The following NUDCD1 variants were observed in gnomAD, a reference collection of about 807,000 sequenced individuals.
NUDCD1 encodes the protein NudC domain containing 1.
NUDCD1 carries 60 observed loss-of-function variants against 67.8 expected under a neutral mutation model. That is an observed-to-expected ratio of 0.88 (90% CI 0.72 to 1.10). The LOEUF is 1.10. Among genes scored for constraint, NUDCD1 ranks in the 50% least tolerant of loss-of-function variants. The probability of loss-of-function intolerance (pLI) is 0.00; values close to 1 mark genes in which losing one functional copy is unlikely to be tolerated. For missense variants in NUDCD1, 643 were observed against 695.0 expected (o/e 0.93, Z 0.84); for synonymous variants, 244 against 230.8 (o/e 1.06, Z -0.52).
chr8:109,324,997 C>G (rs144769712), intron 1 of NUDCD1, among the ~76,000 whole-genome samples: 97 of 151,962 alleles, frequency 6.4e-4, no homozygotes, highest in African/African-American at 2.2e-3. Flanking sequence ...GGCTGAGGCA[C>G]GAGAATCGCT....
At chr8:109,247,320 A>G (rs1813521566) in intron 8 of NUDCD1, among the ~76,000 whole-genome samples, 2 of 152,332 alleles carry the variant, frequency 1.3e-5, no homozygotes, top group African/African-American at 4.8e-5. Context: ...ATCTACTTTC[A>G]TGAGCCAAGT....
intron 9 of NUDCD1, among the ~76,000 whole-genome samples, chr8:109,244,817 A>C (rs567530674): frequency 6.6e-6 from 1 of 152,286 alleles, no homozygotes; most frequent in Non-Finnish European, 1.5e-5. Context: ...TTATCCTACC[A>C]AATAAATTTA....
At position 109,241,448 on chromosome 8, in the gene NUDCD1, T is replaced by C. The variant is rs1299389834; in HGVS notation, c.*1561A>G. The C allele has an allele frequency of 2.0e-5, 3 of 152,178 alleles. No individual in the cohort carries two copies. Among genetic ancestry groups the C allele is most frequent in the Non-Finnish European group, 4.4e-5 (3 of 68,020 alleles). 9.4% of individuals were successfully genotyped at this position (152,178 alleles called of 1,614,324 possible). ...TTTGTTTCATGAAGTTTTACAACAA[T>C]ACTAAAAAGTTCTGGAAATATCACT... On this transcript the variant is annotated 3_prime_UTR_variant, in exon 10 of 10. Transcript: ENST00000239690.
intron 2 of NUDCD1, among the ~76,000 whole-genome samples, chr8:109,314,697 A>G (rs2130109794): frequency 6.6e-6 from 1 of 152,282 alleles, no homozygotes; most frequent in African/African-American, 2.4e-5. Flanking sequence ...GCCTCTACAC[A>G]GTATTTTTAA....
At chr8:109,333,854 G>C (rs778084815) in intron 1 of NUDCD1, 39 bp downstream of exon 1, 4 of 1,609,820 alleles carry the variant, frequency 2.5e-6, no homozygotes, top group South Asian at 2.2e-5. Flanking sequence ...AGCCGAAAGG[G>C]GAAAGGAACG....
At chr8:109,256,279 T>C (rs1179196926) in intron 8 of NUDCD1, among the ~76,000 whole-genome samples, 1 of 152,202 alleles carries the variant, frequency 6.6e-6, no homozygotes, top group East Asian at 1.9e-4. Flanking sequence ...TGGATGGCAG[T>C]GTTCTTTTAA....
chr8:109,333,935 A>C lies in NUDCD1; in HGVS notation c.76T>G (p.Ser26Ala), dbSNP rs376938085. ...LDPRFEGYKL[S>A]LEPLPCYQLE... ...TGGTAACAAGGCAGCGGCTCAAGAG[A>C]GAGCTTGTAACCCTCGAAGCGGGGA... is the stretch of plus-strand genomic sequence containing the variant. The change falls in exon 1 of 10, where the codon TCT (serine) becomes GCT (alanine). Residue 26 changes from serine (S) to alanine (A), a missense_variant. Physicochemically the swap from Ser to Ala is moderately conservative, Grantham distance 99. Coordinates refer to ENST00000239690, the MANE Select transcript of NUDCD1 (RefSeq NM_032869.4). 2 of 1,614,158 alleles carry C rather than the reference A, an allele frequency of 1.2e-6. No homozygotes were observed. The highest frequency in any genetic ancestry group is 2.2e-5 in the East Asian group (1 of 44,872).
chr8:109,288,742 A>C (rs1814629894), intron 5 of NUDCD1, among the ~76,000 whole-genome samples: 2 of 152,178 alleles, frequency 1.3e-5, no homozygotes, highest in Non-Finnish European at 2.9e-5. Context: ...AAAAACAAAA[A>C]GGTAAAACTA....
At chr8:109,323,185 G>A (rs1372431598) in intron 1 of NUDCD1, among the ~76,000 whole-genome samples, 1 of 151,958 alleles carries the variant, frequency 6.6e-6, no homozygotes. Context: ...ATTAATTTCT[G>A]CCCCAGCAGG....
chr8:109,272,045 A>G (rs1814170106), intron 7 of NUDCD1, among the ~76,000 whole-genome samples: 1 of 152,112 alleles, frequency 6.6e-6, no homozygotes, highest in Non-Finnish European at 1.5e-5. Flanking sequence ...AAATGCTAAA[A>G]GAAGCTCTCA....
chr8:109,280,187 A>C (rs1814399620), intron 6 of NUDCD1, among the ~76,000 whole-genome samples: 1 of 152,236 alleles, frequency 6.6e-6, no homozygotes, highest in Non-Finnish European at 1.5e-5. Flanking sequence ...TGATAGAATA[A>C]AATACCGTGA....
At chr8:109,263,054 CAAAAA>C (rs59659347) in intron 8 of NUDCD1, among the ~76,000 whole-genome samples, 11 of 42,014 alleles carry the variant, frequency 2.6e-4, no homozygotes, top group Admixed American at 4.2e-4. Flanking sequence ...GACTCTGTCT[CAAAAA>C]AAAAAAAAAA....
intron 8 of NUDCD1, among the ~76,000 whole-genome samples, chr8:109,253,939 G>A (rs1447505570): frequency 6.6e-6 from 1 of 152,132 alleles, no homozygotes; most frequent in East Asian, 1.9e-4. Flanking sequence ...TCTAGCATGG[G>A]CCATTACCTG....
Position 109,322,370 on chromosome 8 carries a change from T to C in NUDCD1, c.212A>G (p.Tyr71Cys). ...MYNYLHCDSW[Y>C]QDSVYYIDTL... is the part of the protein sequence containing the mutation. ...ATCAATATAGTAGACACTGTCTTGA[T>C]ACCATGAATCACAGTGCAGGTAATT... The change falls in exon 2 of 10, where the codon TAT (tyrosine) becomes TGT (cysteine). Residue 71 changes from tyrosine (Y) to cysteine (C), a missense_variant. By Grantham distance (194) the Tyr-to-Cys change is radical. Transcript: ENST00000239690. 2 of 1,590,810 alleles carry C rather than the reference T, an allele frequency of 1.3e-6. No individual in the cohort carries two copies. Among genetic ancestry groups the C allele is most frequent in the Non-Finnish European group, 1.7e-6 (2 of 1,159,694 alleles).
At chr8:109,281,550 C>T (rs1310833871) in intron 5 of NUDCD1, among the ~76,000 whole-genome samples, 2 of 151,972 alleles carry the variant, frequency 1.3e-5, no homozygotes, top group African/African-American at 4.8e-5. Flanking sequence ...AATATGTTAC[C>T]CAGAAAAGCT....
chr8:109,315,778 CCTT>C (rs1177541635), intron 2 of NUDCD1: 1 of 152,152 alleles, frequency 6.6e-6, no homozygotes, highest in East Asian at 1.9e-4. Flanking sequence ...TTTCAGCAAA[CCTT>C]CTAAGAATAA....
At chr8:109,267,004 G>C (rs916766761) in intron 8 of NUDCD1, among the ~76,000 whole-genome samples, 1 of 151,884 alleles carries the variant, frequency 6.6e-6, no homozygotes, top group East Asian at 1.9e-4. Context: ...TCCCATGTAA[G>C]GTAATTTCAA....
intron 5 of NUDCD1, among the ~76,000 whole-genome samples, chr8:109,286,140 C>A (rs1399179484): frequency 6.6e-6 from 1 of 152,016 alleles, no homozygotes; most frequent in Non-Finnish European, 1.5e-5. Flanking sequence ...CACAGCACTG[C>A]TGAAAGAAAT....
In NUDCD1 at chr8:109,330,040, T is replaced by C. The variant is rs1815770412; in HGVS notation, c.118+3853A>G. ...TGTAAGCCAACATGAAAGAATGAAG[T>C]ATGAATTAGCTAGGTGAAATATAGC... On this transcript the variant is annotated intron_variant, in intron 1 of 9. Transcript: ENST00000239690. The C allele has an allele frequency of 8.8e-6, 5 of 565,776 alleles. No individual in the cohort carries two copies. In the East Asian group the frequency reaches 1.4e-4, roughly 16 times the overall value. 35.0% of individuals were successfully genotyped at this position (565,776 alleles called of 1,614,324 possible). A position where few individuals can be genotyped will look rare whatever the true frequency, so the allele number is the denominator to read the frequency against.
Sources: gnomAD v4.1 joint callset for allele counts (sites outside exome capture counted in the v4.1 genomes callset) on GRCh38, gnomAD v4.1.1 for gene constraint, MANE v1.5 for transcripts, NCBI Gene and HGNC (gene_info 2026-07-23, HGNC 2026-07-21) for gene names.